Variants in CNTN5 observed in about 807,000 individuals in gnomAD.
CNTN5 encodes contactin-5.
Under a neutral mutation model 129.1 loss-of-function variants are expected in CNTN5, and 77 were observed. The ratio of observed to expected loss-of-function variants is 0.60; its 90% confidence interval spans 0.50 to 0.72. CNTN5 has a LOEUF of 0.72. CNTN5 is among the 30% of genes least tolerant of loss of function. The pLI, the probability that CNTN5 is intolerant of heterozygous loss-of-function variation, is 0.00. For missense variants in CNTN5, 1,478 were observed against 1,328.8 expected, an observed-to-expected ratio of 1.11 and a Z score of -1.75; for synonymous variants, 509 against 465.6, an observed-to-expected ratio of 1.09 and a Z score of -1.20.
At chr11:99,501,108 C>T (rs116979686) in intron 2 of CNTN5, among the ~76,000 whole-genome samples, 2,226 of 152,204 alleles carry the variant, frequency 0.015, 18 homozygotes, top group Non-Finnish European at 0.023. Flanking sequence ...AGAATGATTG[C>T]ATTATGTCAG....
intron 13 of CNTN5, among the ~76,000 whole-genome samples, chr11:100,161,353 C>A (rs192836750): frequency 6.6e-6 from 1 of 151,932 alleles, no homozygotes; most frequent in Non-Finnish European, 1.5e-5. Flanking sequence ...ACATTTCTAG[C>A]AGACTGACTT....
At chr11:99,689,235 G>A (rs1309907190) in intron 3 of CNTN5, among the ~76,000 whole-genome samples, 1 of 152,060 alleles carries the variant, frequency 6.6e-6, no homozygotes, top group Non-Finnish European at 1.5e-5. Flanking sequence ...CAAGGTAAAA[G>A]CATTCCTGAG....
intron 3 of CNTN5, among the ~76,000 whole-genome samples, chr11:99,755,035 ACTT>A (rs1393381385): frequency 1.3e-5 from 2 of 152,140 alleles, no homozygotes; most frequent in Non-Finnish European, 2.9e-5. Flanking sequence ...TTTCTGGTTA[ACTT>A]CTTTGACTTA....
chr11:100,246,490 G>C (rs913091664), intron 16 of CNTN5, among the ~76,000 whole-genome samples: 3 of 152,078 alleles, frequency 2.0e-5, no homozygotes, highest in Non-Finnish European at 2.9e-5. Flanking sequence ...TCTAGTCATA[G>C]AAGTTGAAAT....
At position 99,819,592 on chromosome 11, in the gene CNTN5, T is replaced by A; in HGVS notation, c.104T>A (p.Leu35Ter). ...CTCTCCACTTCATATGCTGCTTTGT[T>A]AAGAATTAAGAAGAGTTCATCTTCA... ...PGLSTSYAAL[L>*]RIKKSSSSSL... The change falls in exon 4 of 25, where the codon TTA becomes TAA. Residue 35 changes from leucine (L) to a stop codon, truncating the protein, a stop_gained. Transcript: ENST00000524871. LOFTEE classifies it high-confidence loss of function. 1 of 1,612,914 alleles carries A rather than the reference T, an allele frequency of 6.2e-7. No individual in the cohort carries two copies. Among genetic ancestry groups the A allele is most frequent in the Non-Finnish European group, 8.5e-7 (1 of 1,179,798 alleles).
chr11:99,655,971 T>C (rs1274097788), intron 3 of CNTN5, among the ~76,000 whole-genome samples: 1 of 152,062 alleles, frequency 6.6e-6, no homozygotes, highest in Non-Finnish European at 1.5e-5. Context: ...TATATACACA[T>C]ATATGCATGT....
Position 100,334,609 on chromosome 11 carries a change from G to T in CNTN5, c.2731-5854G>T, listed in dbSNP as rs551959187. Among the ~76,000 whole-genome samples the T allele has an allele frequency of 1.2e-4, 19 of 152,194 alleles. No individual in the cohort carries two copies. The South Asian group carries it at 3.9e-3, about 32-fold the overall frequency. On this transcript the variant is annotated intron_variant, in intron 21 of 24. Transcript: ENST00000524871. ...TCCTGCTCAGCCATATTAAAAAAAAGAATGAAATAATGGCTTCACAGCAAC... is the reference window on the plus strand; with the variant it reads ...TCCTGCTCAGCCATATTAAAAAAAATAATGAAATAATGGCTTCACAGCAAC...
intron 2 of CNTN5, among the ~76,000 whole-genome samples, chr11:99,340,201 A>G (rs1237579474): frequency 6.6e-6 from 1 of 152,128 alleles, no homozygotes; most frequent in Non-Finnish European, 1.5e-5. Flanking sequence ...GCAGTTTGGG[A>G]TGGGAAGATT....
chr11:100,016,521 C>T (rs763641176), intron 9 of CNTN5, among the ~76,000 whole-genome samples: 46 of 152,000 alleles, frequency 3.0e-4, no homozygotes, highest in South Asian at 6.2e-4. Context: ...CATGAATCTT[C>T]ATTATATCTA....
intron 18 of CNTN5, among the ~76,000 whole-genome samples, chr11:100,297,196 A>C (rs1306439864): frequency 6.6e-6 from 1 of 151,472 alleles, no homozygotes; most frequent in Non-Finnish European, 1.5e-5. Flanking sequence ...AATGTACTGA[A>C]GCTTCCTGGG....
intron 1 of CNTN5, among the ~76,000 whole-genome samples, chr11:99,244,649 C>A (rs1332122431): frequency 6.6e-6 from 1 of 152,194 alleles, no homozygotes; most frequent in Non-Finnish European, 1.5e-5. Flanking sequence ...AAATCCCCTG[C>A]ATGAGATCAC....
chr11:99,492,323 C>T (rs952543334), intron 2 of CNTN5, among the ~76,000 whole-genome samples: 1 of 152,146 alleles, frequency 6.6e-6, no homozygotes, highest in Non-Finnish European at 1.5e-5. Flanking sequence ...TCAATTACCT[C>T]TTTAATAGAC....
intron 3 of CNTN5, among the ~76,000 whole-genome samples, chr11:99,818,899 A>T (rs1192398717): frequency 6.6e-6 from 1 of 152,136 alleles, no homozygotes; most frequent in Admixed American, 6.5e-5. Context: ...AACCTAGAAA[A>T]TAAATTTCAT....
chr11:100,233,182 CT>C (rs1243227735), intron 16 of CNTN5, among the ~76,000 whole-genome samples: 2 of 152,084 alleles, frequency 1.3e-5, no homozygotes, highest in Non-Finnish European at 2.9e-5. Flanking sequence ...ATGATATCCC[CT>C]AGAACCATTT....
chr11:99,213,272 A>G (rs1049046199), intron 1 of CNTN5, among the ~76,000 whole-genome samples: 3 of 146,070 alleles, frequency 2.1e-5, no homozygotes, highest in Non-Finnish European at 3.0e-5. Flanking sequence ...TATATAAAAT[A>G]TATATACATA....
intron 3 of CNTN5, among the ~76,000 whole-genome samples, chr11:99,560,954 A>T (rs1244352080): frequency 6.6e-6 from 1 of 152,062 alleles, no homozygotes; most frequent in Non-Finnish European, 1.5e-5. Context: ...ACTAATACCT[A>T]TTTCATTTCT....
At chr11:99,420,632 T>C (rs1942846163) in intron 2 of CNTN5, among the ~76,000 whole-genome samples, 1 of 152,098 alleles carries the variant, frequency 6.6e-6, no homozygotes, top group South Asian at 2.1e-4. Flanking sequence ...ATAATTGAGT[T>C]GTGGAAAGGA....
intron 3 of CNTN5, among the ~76,000 whole-genome samples, chr11:99,659,000 A>C (rs1291441501): frequency 6.6e-6 from 1 of 152,080 alleles, no homozygotes; most frequent in Non-Finnish European, 1.5e-5. Flanking sequence ...CTGCAGCACA[A>C]ACATCATTTT....
intron 16 of CNTN5, among the ~76,000 whole-genome samples, chr11:100,247,913 G>T (rs1949880809): frequency 6.6e-6 from 1 of 151,994 alleles, no homozygotes; most frequent in Non-Finnish European, 1.5e-5. Flanking sequence ...ATAAGAATTA[G>T]TCACCATGGC....
Sources: gnomAD v4.1 joint callset for allele counts (sites outside exome capture counted in the v4.1 genomes callset) on GRCh38, gnomAD v4.1.1 for gene constraint, MANE v1.5 for transcripts, NCBI Gene and HGNC (gene_info 2026-07-23, HGNC 2026-07-21) for gene names.